SLC24A2: variants seen among roughly 807,000 people sequenced by gnomAD.
SLC24A2 encodes sodium/potassium/calcium exchanger 2.
A neutral mutation model predicts 62.0 loss-of-function variants in SLC24A2; 36 were observed. The observed-to-expected ratio is 0.58, with a 90% CI of 0.44 to 0.77. The LOEUF is 0.77. Among genes scored for constraint, SLC24A2 ranks in the 30% least tolerant of loss-of-function variants. The pLI, the probability that SLC24A2 is intolerant of heterozygous loss-of-function variation, is 0.00. For missense variants in SLC24A2, 846 were observed against 817.9 expected, an observed-to-expected ratio of 1.03 and a Z score of -0.42; for synonymous variants, 358 against 294.0, an observed-to-expected ratio of 1.22 and a Z score of -2.23.
chr9:19,765,528 A>T (rs1292482685), intron 2 of SLC24A2, among the ~76,000 whole-genome samples: 10 of 152,120 alleles, frequency 6.6e-5, no homozygotes, highest in Non-Finnish European at 1.3e-4. Flanking sequence ...CTTGTCTGTA[A>T]AGGATTTTAT....
the SLC24A2 span, among the ~76,000 whole-genome samples, chr9:20,197,788 C>G: frequency 6.6e-6 from 1 of 152,066 alleles, no homozygotes; most frequent in Admixed American, 6.6e-5. Context: ...AGGACATAAA[C>G]AAACCAAAAG....
At position 19,672,235 on chromosome 9, in the gene SLC24A2, G is replaced by C. The variant is rs1377864675; in HGVS notation, c.931-49936C>G. ...ATTCTCACTGTTTGTTATTGGTCTG[G>C]TTCAGAGTTTATATTTCTTCCTGGT... is the stretch of plus-strand genomic sequence containing the variant. On this transcript the variant is annotated intron_variant, in intron 2 of 10. Coordinates refer to ENST00000341998, the MANE Select transcript of SLC24A2 (RefSeq NM_020344.4). 1.4e-5 allele frequency among the ~76,000 whole-genome samples: 2 copies of C among 146,062 alleles called. 1 individual carries two copies. Among genetic ancestry groups the C allele is most frequent in the Non-Finnish European group, 3.0e-5 (2 of 67,364 alleles).
rs556687791 is a variant in SLC24A2, at chr9:19,659,760, G to C, written c.931-37461C>G. Among the ~76,000 whole-genome samples the C allele has an allele frequency of 4.6e-5, 7 of 152,266 alleles. No individual in the cohort carries two copies. The East Asian group carries it at 1.4e-3, about 29-fold the overall frequency. On this transcript the variant is annotated intron_variant, in intron 2 of 10. Coordinates refer to ENST00000341998, the MANE Select transcript of SLC24A2 (RefSeq NM_020344.4). ...GCTGTGATGAAAAGTGAGCTCTTAA[G>C]TGAGCTGATTTCCTGAAGAGGCACA...
chr9:19,541,927 G>A (rs1349584205), intron 8 of SLC24A2, among the ~76,000 whole-genome samples: 1 of 152,164 alleles, frequency 6.6e-6, no homozygotes, highest in Non-Finnish European at 1.5e-5. Context: ...TTTTCAAGCC[G>A]GTCTGAAAAG....
chr9:19,937,960 T>A, the SLC24A2 span, among the ~76,000 whole-genome samples: 1 of 152,010 alleles, frequency 6.6e-6, no homozygotes, highest in Non-Finnish European at 1.5e-5. Flanking sequence ...TTATTAAAAA[T>A]GAAAATACAT....
chr9:20,248,669 T>G, the SLC24A2 span, among the ~76,000 whole-genome samples: 104 of 152,216 alleles, frequency 6.8e-4, no homozygotes, highest in African/African-American at 2.2e-3. Context: ...CCATATGAAT[T>G]TGGGGGGCCA....
intron 2 of SLC24A2, among the ~76,000 whole-genome samples, chr9:19,716,465 C>T (rs1409768414): frequency 6.6e-6 from 1 of 152,216 alleles, no homozygotes; most frequent in Non-Finnish European, 1.5e-5. Context: ...TGGTTAACTA[C>T]ATGTATGAAG....
chr9:19,794,900 C>T, the SLC24A2 span, among the ~76,000 whole-genome samples: 2 of 152,082 alleles, frequency 1.3e-5, no homozygotes, highest in Admixed American at 6.5e-5. Context: ...AAAAATCGTG[C>T]TCCTGCTGCC....
At chr9:20,280,212 C>T in the SLC24A2 span, among the ~76,000 whole-genome samples, 2 of 152,220 alleles carry the variant, frequency 1.3e-5, no homozygotes, top group Non-Finnish European at 2.9e-5. Flanking sequence ...GAAGATGTGG[C>T]TCAGGTGGCT....
At chr9:19,546,760 C>T (rs56315439) in intron 8 of SLC24A2, among the ~76,000 whole-genome samples, 4,406 of 152,058 alleles carry the variant, frequency 0.029, 211 homozygotes, top group African/African-American at 0.099. Flanking sequence ...CACAAAACTC[C>T]TGCAGCTAGC....
At chr9:19,933,947 G>T in the SLC24A2 span, among the ~76,000 whole-genome samples, 6 of 152,200 alleles carry the variant, frequency 3.9e-5, no homozygotes, top group African/African-American at 1.4e-4. Flanking sequence ...GTAGATTAAT[G>T]GTATGCTAGG....
chr9:20,242,527 C>T, the SLC24A2 span, among the ~76,000 whole-genome samples: 1,801 of 152,290 alleles, frequency 0.012, 44 homozygotes, highest in African/African-American at 0.042. Context: ...GACAGCTGTT[C>T]CCAAGTCAGG....
chr9:19,820,082 T>TATATATATAC, the SLC24A2 span, among the ~76,000 whole-genome samples: 1 of 133,614 alleles, frequency 7.5e-6, no homozygotes, highest in African/African-American at 2.8e-5. Context: ...TATATATATA[T>TATATATATAC]ACAATGGAAT....
At chr9:19,539,097 T>C (rs1287933032) in intron 8 of SLC24A2, among the ~76,000 whole-genome samples, 1 of 73,740 alleles carries the variant, frequency 1.4e-5, no homozygotes, top group Non-Finnish European at 2.7e-5. Context: ...TTCTCTCTTT[T>C]TTTCTTTATT....
intron 2 of SLC24A2, among the ~76,000 whole-genome samples, chr9:19,688,862 T>G (rs1399292921): frequency 6.6e-6 from 1 of 152,130 alleles, no homozygotes; most frequent in African/African-American, 2.4e-5. Context: ...GTCTGTTACT[T>G]GAATAAATAC....
chr9:20,019,470 G>T, the SLC24A2 span, among the ~76,000 whole-genome samples: 6 of 152,170 alleles, frequency 3.9e-5, no homozygotes, highest in African/African-American at 1.4e-4. Flanking sequence ...TGTCAGGTTT[G>T]TCAAAGATTA....
chr9:19,573,435 A>T lies in SLC24A2; in HGVS notation c.1263T>A (p.Asp421Glu). 1 of 1,612,762 alleles carries T rather than the reference A, an allele frequency of 6.2e-7. No individual in the cohort carries two copies. Among genetic ancestry groups the T allele is most frequent in the Non-Finnish European group, 8.5e-7 (1 of 1,179,316 alleles). ...KIELPNSTST[D>E]VEMTPSSDAS... is the part of the protein sequence containing the mutation. ...CATCACTGGATGGTGTCATTTCAAC[A>T]TCTGTGCTGGTGCTGTTTGGAAGCT... The change falls in exon 7 of 11, where the codon GAT (aspartate) becomes GAA (glutamate). Residue 421 changes from aspartate (D) to glutamate (E), a missense_variant. Coordinates refer to ENST00000341998, the MANE Select transcript of SLC24A2 (RefSeq NM_020344.4).
chr9:19,833,307 C>A, the SLC24A2 span, among the ~76,000 whole-genome samples: 1 of 152,142 alleles, frequency 6.6e-6, no homozygotes. Flanking sequence ...TGCAAGGGGT[C>A]AGGGAATTCC....
At chr9:19,843,762 G>A in the SLC24A2 span, among the ~76,000 whole-genome samples, 1 of 152,106 alleles carries the variant, frequency 6.6e-6, no homozygotes, top group Non-Finnish European at 1.5e-5. Flanking sequence ...ACTTACAAGT[G>A]AGAGCATGTG....
Sources: allele counts gnomAD v4.1 joint callset (sites outside exome capture counted in the v4.1 genomes callset), GRCh38; gene constraint gnomAD v4.1.1; transcripts MANE v1.5; gene names NCBI Gene and HGNC (gene_info 2026-07-23, HGNC 2026-07-21).